The following CNTN6 variants were observed in gnomAD, a reference collection of about 807,000 sequenced individuals.
CNTN6 encodes the protein contactin-6.
CNTN6 carries 137 observed loss-of-function variants against 122.8 expected under a neutral mutation model. The observed-to-expected ratio is 1.12, with a 90% CI of 0.97 to 1.29. The LOEUF is 1.29. Among genes scored for constraint, CNTN6 ranks in the 50% most tolerant of loss-of-function variants. The pLI is 0.00. For synonymous variants in CNTN6, 570 were observed against 426.0 expected (o/e 1.34, Z -4.16); for missense variants, 1,634 against 1,223.4 (o/e 1.34, Z -5.01).
At chr3:1,306,905 T>C (rs1257243106) in intron 7 of CNTN6, among the ~76,000 whole-genome samples, 2 of 152,218 alleles carry the variant, frequency 1.3e-5, no homozygotes. Context: ...TCAATCTTTC[T>C]AAGAGTTACT....
At chr3:1,159,430 T>C (rs1160462329) in intron 2 of CNTN6, among the ~76,000 whole-genome samples, 1 of 152,094 alleles carries the variant, frequency 6.6e-6, no homozygotes, top group African/African-American at 2.4e-5. Flanking sequence ...CTACCCAGAA[T>C]GCAATTTAAA....
chr3:1,102,619 T>A (rs111541295), intron 1 of CNTN6, among the ~76,000 whole-genome samples: 1 of 148,692 alleles, frequency 6.7e-6, no homozygotes, highest in East Asian at 2.0e-4. Context: ...TCCCAGCTAC[T>A]CGGGAGGCTG....
intron 11 of CNTN6, among the ~76,000 whole-genome samples, chr3:1,334,082 A>G (rs1702704336): frequency 6.6e-6 from 1 of 152,092 alleles, no homozygotes; most frequent in South Asian, 2.1e-4. Context: ...ATCTGTATTT[A>G]TAGCAGCCTG....
chr3:1,260,979 GA>G (rs1207213843), intron 4 of CNTN6, among the ~76,000 whole-genome samples: 1 of 151,846 alleles, frequency 6.6e-6, no homozygotes, highest in South Asian at 2.1e-4. Flanking sequence ...CCTTTTTGAA[GA>G]AAAAATTAAG....
chr3:1,114,371 C>T (rs1020560937), intron 1 of CNTN6, among the ~76,000 whole-genome samples: 11 of 152,148 alleles, frequency 7.2e-5, no homozygotes, highest in African/African-American at 2.7e-4. Flanking sequence ...ATGTTGAGAA[C>T]CCAGTTTCTG....
At chr3:1,108,949 A>C (rs2091352166) in intron 1 of CNTN6, among the ~76,000 whole-genome samples, 1 of 152,038 alleles carries the variant, frequency 6.6e-6, no homozygotes, top group African/African-American at 2.4e-5. Context: ...TTACCATTTA[A>C]AATATTTAAA....
chr3:1,252,883 A>G (rs2094693183), intron 4 of CNTN6, among the ~76,000 whole-genome samples: 1 of 152,126 alleles, frequency 6.6e-6, no homozygotes, highest in African/African-American at 2.4e-5. Context: ...GTTGGATTTG[A>G]CTCAACCCAG....
chr3:1,377,396 A>G (rs114812824), intron 17 of CNTN6, among the ~76,000 whole-genome samples: 2,165 of 152,238 alleles, frequency 0.014, 28 homozygotes, highest in Middle Eastern at 0.044. Context: ...GCACTGTTGT[A>G]TTGTGAATAA....
chr3:1,131,827 G>C (rs1382306170), intron 1 of CNTN6, among the ~76,000 whole-genome samples: 1 of 152,088 alleles, frequency 6.6e-6, no homozygotes, highest in Non-Finnish European at 1.5e-5. Flanking sequence ...AGTAGTCACA[G>C]AGTACTTGGA....
At chr3:1,310,176 T>C (rs182673755) in intron 7 of CNTN6, among the ~76,000 whole-genome samples, 60 of 152,226 alleles carry the variant, frequency 3.9e-4, no homozygotes, top group African/African-American at 1.4e-3. Flanking sequence ...GTGATAAGAG[T>C]AAACATGCTT....
intron 1 of CNTN6, among the ~76,000 whole-genome samples, chr3:1,143,740 G>A (rs1449506748): frequency 6.6e-6 from 1 of 152,194 alleles, no homozygotes; most frequent in Non-Finnish European, 1.5e-5. Context: ...CAGTATAGAG[G>A]AATGCCAAAT....
intron 2 of CNTN6, among the ~76,000 whole-genome samples, chr3:1,159,143 A>C (rs2093062838): frequency 6.6e-6 from 1 of 151,740 alleles, no homozygotes; most frequent in South Asian, 2.1e-4. Context: ...ATACTAAGGA[A>C]CTGGATTGTG....
intron 12 of CNTN6, among the ~76,000 whole-genome samples, chr3:1,353,671 T>C (rs1706047961): frequency 1.3e-5 from 2 of 151,634 alleles, no homozygotes; most frequent in South Asian, 4.1e-4. Context: ...AAAATGTGAA[T>C]GCTTTATATT....
At chr3:1,171,814 C>T (rs543370765) in intron 2 of CNTN6, among the ~76,000 whole-genome samples, 23 of 152,076 alleles carry the variant, frequency 1.5e-4, no homozygotes, top group Non-Finnish European at 2.9e-4. Context: ...CCCATGTTGC[C>T]TAGGCTGGTC....
Position 1,206,883 on chromosome 3 carries a change from G to A in CNTN6, c.56-13804G>A, listed in dbSNP as rs74988898. 6.8e-3 allele frequency among the ~76,000 whole-genome samples: 1,040 copies of A among 152,120 alleles called. 15 individuals carry two copies. The highest frequency in any genetic ancestry group is 0.023 in the African/African-American group (951 of 41,498). On this transcript the variant is annotated intron_variant, in intron 2 of 22. Transcript: ENST00000446702. ...AGATTCTAGTCCATCACTCTCATAG[G>A]ACACTCCTACAACATTGGCTATTGT...
At chr3:1,246,431 A>T (rs922040718) in intron 4 of CNTN6, among the ~76,000 whole-genome samples, 1 of 152,100 alleles carries the variant, frequency 6.6e-6, no homozygotes, top group Non-Finnish European at 1.5e-5. Context: ...AATGCAGTTT[A>T]TGTGGAACTT....
intron 4 of CNTN6, among the ~76,000 whole-genome samples, chr3:1,267,108 G>A (rs547808704): frequency 8.6e-5 from 13 of 151,918 alleles, no homozygotes; most frequent in African/African-American, 3.1e-4. Context: ...GAACTTTCTT[G>A]TTACCTACCA....
At chr3:1,257,002 C>T (rs1047230568) in intron 4 of CNTN6, among the ~76,000 whole-genome samples, 3 of 152,122 alleles carry the variant, frequency 2.0e-5, no homozygotes, top group Non-Finnish European at 4.4e-5. Flanking sequence ...CTTTCAACAG[C>T]ACCACCCGAA....
intron 19 of CNTN6, among the ~76,000 whole-genome samples, chr3:1,385,121 T>C (rs1009127891): frequency 3.3e-5 from 5 of 152,054 alleles, no homozygotes; most frequent in African/African-American, 1.2e-4. Context: ...TGAAAATAGG[T>C]ACTTAATTTA....
Sources: gnomAD v4.1 joint callset for allele counts (sites outside exome capture counted in the v4.1 genomes callset) on GRCh38, gnomAD v4.1.1 for gene constraint, MANE v1.5 for transcripts, NCBI Gene and HGNC (gene_info 2026-07-23, HGNC 2026-07-21) for gene names.